MAP3K5: variants seen among roughly 807,000 people sequenced by gnomAD.
MAP3K5 encodes the protein ASK-1.
Under a neutral mutation model 158.7 loss-of-function variants are expected in MAP3K5, and 56 were observed. The ratio of observed to expected loss-of-function variants is 0.35; its 90% CI spans 0.28 to 0.44. The LOEUF (loss-of-function observed/expected upper bound fraction) is 0.44, where lower values mean the gene tolerates loss of function less well. MAP3K5 is among the 20% of genes least tolerant of loss of function. The probability of loss-of-function intolerance (pLI) is 1.00; values close to 1 mark genes in which losing one functional copy is unlikely to be tolerated. For synonymous variants in MAP3K5, 579 were observed against 601.7 expected, an observed-to-expected ratio of 0.96 and a Z score of 0.55; for missense variants, 1,294 against 1,674.8, an observed-to-expected ratio of 0.77 and a Z score of 3.97.
chr6:136,659,447 A>G (rs1258335191), intron 8 of MAP3K5, 69 bp from the exon 9 acceptor site: 2 of 1,413,574 alleles, frequency 1.4e-6, no homozygotes, highest in Non-Finnish European at 2.0e-6. Context: ...TTTTCACTAA[A>G]AAGTAAAATT....
At position 136,669,380 on chromosome 6, in the gene MAP3K5, A is replaced by G. The variant is rs141306259; in HGVS notation, c.1269T>C (p.Phe423=). 8.1e-6 allele frequency: 13 copies of G among 1,608,948 alleles called. No homozygotes were observed. The highest frequency in any genetic ancestry group is 1.1e-5 in the Non-Finnish European group (13 of 1,176,036). ...CTGACTGTAGTGTTGGCTCAGATTC[A>G]AATGCCTTTTTGAACCTATAAAAAA... The part of the protein sequence containing the change: ...DHGASWFKKA[F]ESEPTLQSGI... Residue 423 remains phenylalanine, a synonymous_variant, in exon 8 of 30, where the codon TTT becomes TTC. Coordinates refer to ENST00000359015, the MANE Select transcript of MAP3K5 (RefSeq NM_005923.4).
At position 136,769,781 on chromosome 6, in the gene MAP3K5, A is replaced by G. The variant is rs1421598048; in HGVS notation, c.448+21929T>C. On this transcript the variant is annotated intron_variant, in intron 1 of 29. Transcript: ENST00000359015. Reference sequence around the variant, plus strand: ...GAAGGAAGGAAGGAAGGAAGGAAGGAAGGAAGGAAGGAAGGGAGGGAGGGA... The same window carrying G: ...GAAGGAAGGAAGGAAGGAAGGAAGGGAGGAAGGAAGGAAGGGAGGGAGGGA... Among the ~76,000 whole-genome samples, 73 of 23,744 alleles carry G rather than the reference A, an allele frequency of 3.1e-3. 1 individual carries two copies. Among genetic ancestry groups the G allele is most frequent in the African/African-American group, 0.015 (62 of 4,002 alleles). The allele number at this position is 23,744 out of a possible 152,430, so 15.6% of individuals were successfully genotyped here. A position where few individuals can be genotyped will look rare whatever the true frequency, so the allele number is the denominator to read the frequency against.
intron 2 of MAP3K5, among the ~76,000 whole-genome samples, chr6:136,717,606 T>A (rs1025824405): frequency 1.3e-5 from 2 of 152,244 alleles, no homozygotes; most frequent in Non-Finnish European, 2.9e-5. Context: ...ATTTTAAATA[T>A]CTCTTGTTCT....
At chr6:136,702,241 A>G (rs919140003) in intron 3 of MAP3K5, among the ~76,000 whole-genome samples, 1 of 152,144 alleles carries the variant, frequency 6.6e-6, no homozygotes, top group African/African-American at 2.4e-5. Flanking sequence ...AAGCTGCAGA[A>G]GCCACATGGA....
intron 10 of MAP3K5, among the ~76,000 whole-genome samples, chr6:136,652,097 G>A (rs963918996): frequency 3.9e-5 from 6 of 152,048 alleles, no homozygotes; most frequent in African/African-American, 1.4e-4. Flanking sequence ...TAAAAGTGGA[G>A]GAAAACTCCT....
At chr6:136,588,767 G>A (rs769334894) in intron 23 of MAP3K5, among the ~76,000 whole-genome samples, 5 of 152,188 alleles carry the variant, frequency 3.3e-5, no homozygotes, top group Non-Finnish European at 7.3e-5. Context: ...GGAAAGGCCA[G>A]AGAGAAAGCT....
intron 1 of MAP3K5, among the ~76,000 whole-genome samples, chr6:136,755,484 AC>A (rs1783434872): frequency 6.6e-6 from 1 of 152,064 alleles, no homozygotes; most frequent in Non-Finnish European, 1.5e-5. Context: ...AGGCAGGAGG[AC>A]CGCCTGAGCC....
intron 21 of MAP3K5, among the ~76,000 whole-genome samples, chr6:136,593,519 C>T (rs1400925837): frequency 6.6e-6 from 1 of 151,992 alleles, no homozygotes; most frequent in Non-Finnish European, 1.5e-5. Context: ...CTGGGAAACC[C>T]CAGAAGGAAA....
chr6:136,770,728 G>A (rs2115003741), intron 1 of MAP3K5, among the ~76,000 whole-genome samples: 1 of 152,242 alleles, frequency 6.6e-6, no homozygotes, highest in East Asian at 1.9e-4. Flanking sequence ...CTGTACTCCA[G>A]CCTGGGCAAC....
intron 11 of MAP3K5, among the ~76,000 whole-genome samples, chr6:136,646,076 T>G (rs570999007): frequency 1.7e-4 from 26 of 152,108 alleles, no homozygotes; most frequent in Non-Finnish European, 3.2e-4. Context: ...TTTTAAAAAA[T>G]TGAGAAAATG....
intron 1 of MAP3K5, among the ~76,000 whole-genome samples, chr6:136,785,829 TC>T (rs1784820750): frequency 6.6e-6 from 1 of 152,076 alleles, no homozygotes; most frequent in Non-Finnish European, 1.5e-5. Flanking sequence ...ACAAGAAAAG[TC>T]CCGGTTTTAG....
intron 1 of MAP3K5, among the ~76,000 whole-genome samples, chr6:136,730,721 C>CAAAA (rs377188561): frequency 6.9e-5 from 6 of 87,348 alleles, no homozygotes; most frequent in South Asian, 7.0e-4. Flanking sequence ...AACTCTGCCT[C>CAAAA]AAAAAAAAAA....
At chr6:136,668,903 A>C (rs1003958108) in intron 8 of MAP3K5, among the ~76,000 whole-genome samples, 1 of 152,000 alleles carries the variant, frequency 6.6e-6, no homozygotes, top group African/African-American at 2.4e-5. Context: ...GAAACAGCAG[A>C]GGTTTTTGAA....
chr6:136,597,911 G>A (rs1325526810), intron 21 of MAP3K5, among the ~76,000 whole-genome samples: 1 of 152,202 alleles, frequency 6.6e-6, no homozygotes, highest in African/African-American at 2.4e-5. Flanking sequence ...CTCAGCCATG[G>A]TAGCCATGTT....
intron 7 of MAP3K5, among the ~76,000 whole-genome samples, chr6:136,688,639 G>A (rs1780257498): frequency 6.6e-6 from 1 of 152,042 alleles, no homozygotes; most frequent in Admixed American, 6.6e-5. Flanking sequence ...ACAGAAAATT[G>A]AAACAAAAAC....
At chr6:136,756,442 T>C (rs994618798) in intron 1 of MAP3K5, among the ~76,000 whole-genome samples, 1 of 152,164 alleles carries the variant, frequency 6.6e-6, no homozygotes, top group Non-Finnish European at 1.5e-5. Context: ...CTTAAGGGTA[T>C]TGCCTTTTTG....
intron 1 of MAP3K5, among the ~76,000 whole-genome samples, chr6:136,721,182 T>C (rs997898405): frequency 6.6e-6 from 1 of 151,028 alleles, no homozygotes; most frequent in East Asian, 1.9e-4. Context: ...CTCATAAATT[T>C]CAACATTAAA....
intron 25 of MAP3K5, among the ~76,000 whole-genome samples, chr6:136,570,380 G>A (rs187105051): frequency 7.4e-4 from 112 of 152,108 alleles, no homozygotes; most frequent in African/African-American, 2.4e-3. Context: ...ACTTTTTTAT[G>A]TTTCTACTTT....
intron 11 of MAP3K5, among the ~76,000 whole-genome samples, chr6:136,649,562 G>A (rs1329125992): frequency 1.3e-5 from 2 of 152,116 alleles, no homozygotes; most frequent in Non-Finnish European, 2.9e-5. Context: ...GGGATCCAGG[G>A]TATTGCAGAT....
Sources: gnomAD v4.1 joint callset for allele counts (sites outside exome capture counted in the v4.1 genomes callset) on GRCh38, gnomAD v4.1.1 for gene constraint, MANE v1.5 for transcripts, NCBI Gene and HGNC (gene_info 2026-07-23, HGNC 2026-07-21) for gene names.